TP73: variants seen among roughly 807,000 people sequenced by gnomAD.
The protein encoded by TP73 is p53-like transcription factor.
Under a neutral mutation model 62.5 loss-of-function variants are expected in TP73, and 25 were observed. That is an observed-to-expected ratio of 0.40 (90% confidence interval 0.29 to 0.56). TP73 has a LOEUF of 0.56. Among genes scored for constraint, TP73 ranks in the 20% least tolerant of loss-of-function variants. The probability of loss-of-function intolerance (pLI) is 0.46; values close to 1 mark genes in which losing one functional copy is unlikely to be tolerated. For missense variants in TP73, 754 were observed against 913.3 expected (o/e 0.83, Z 2.25); for synonymous variants, 423 against 377.5 (o/e 1.12, Z -1.40).
Position 3,729,253 on chromosome 1 carries a change from T to C in TP73, c.1075-74T>C, listed in dbSNP as rs544018672. On this transcript the variant is annotated intron_variant, in intron 9 of 13. Coordinates refer to ENST00000378295, the MANE Select transcript of TP73 (RefSeq NM_005427.4). ...CAGATGCTTTGCCAAGCCCAGGTCC[T>C]CCTGAGGCTGCGGCCACCCCCCTCC... 12 of 1,595,558 alleles carry C rather than the reference T, an allele frequency of 7.5e-6. No homozygotes were observed. In the South Asian group the frequency reaches 1.2e-4, roughly 16 times the overall value.
chr1:3,731,030 G>A lies in TP73; in HGVS notation c.1449G>A (p.Pro483=), dbSNP rs771141710. ...TGGTCTCGGGGTCCCACTGCACTCC[G>A]CCACCCCCCTACCACGCCGACCCCA... ...QSMVSGSHCT[P]PPPYHADPSL... The change falls in exon 12 of 14, where the codon CCG becomes CCA. Residue 483 remains proline, a synonymous_variant. Transcript: ENST00000378295. The A allele has an allele frequency of 5.1e-5, 82 of 1,612,142 alleles. 2 individuals are homozygous for A. In the South Asian group the frequency reaches 6.6e-4, roughly 13 times the overall value.
intron 1 of TP73, among the ~76,000 whole-genome samples, 161 bp from the exon 2 acceptor site, chr1:3,682,172 C>T (rs1259219412): frequency 3.3e-5 from 5 of 152,206 alleles, no homozygotes; most frequent in Admixed American, 6.5e-5. Context: ...ACAGGGTGGA[C>T]GAAATGACAG....
At chr1:3,707,507 C>CTGTG (rs766846785) in intron 3 of TP73, 42 bp from the exon 4 acceptor site, 1 of 1,584,938 alleles carries the variant, frequency 6.3e-7, no homozygotes, top group African/African-American at 1.3e-5. Flanking sequence ...GGACGACTGA[C>CTGTG]TGTGTGTGTT....
chr1:3,730,203 G>T (rs2124538953), intron 11 of TP73, 55 bp downstream of exon 11: 2 of 1,461,522 alleles, frequency 1.4e-6, no homozygotes, highest in Non-Finnish European at 1.8e-6. Flanking sequence ...CCCACTGGGG[G>T]CGCCTAGCTC....
At chr1:3,664,211 G>C (rs750845199) in intron 1 of TP73, among the ~76,000 whole-genome samples, 2 of 152,218 alleles carry the variant, frequency 1.3e-5, no homozygotes, top group African/African-American at 4.8e-5. Context: ...GGCCTGAGCC[G>C]GCAGGGCTTC....
Position 3,699,539 on chromosome 1 carries a change from G to A in TP73, c.187-8010G>A, listed in dbSNP as rs193079512. On this transcript the variant is annotated intron_variant, in intron 3 of 13. Coordinates refer to ENST00000378295, the MANE Select transcript of TP73 (RefSeq NM_005427.4). The surrounding 1 kb of genome is among the most constrained non-coding windows in gnomAD (Gnocchi z 4.1). ...CCTCAGGAGACTCCAGGCAGGCCCC[G>A]ATGCCAGACTCCAGCCCTCAAACAT... Among the ~76,000 whole-genome samples, 300 of 152,306 alleles carry A rather than the reference G, an allele frequency of 2.0e-3. No homozygotes were observed. In the Middle Eastern group the frequency reaches 0.02, roughly 10 times the overall value.
At position 3,736,055 on chromosome 1, in the gene TP73, G is replaced by C. The variant is rs1570673626; in HGVS notation, c.*2976G>C. The C allele has an allele frequency of 6.6e-6, 1 of 152,242 alleles. No homozygotes were observed. The highest frequency in any genetic ancestry group is 1.5e-5 in the Non-Finnish European group (1 of 68,048). The allele number at this position is 152,242 out of a possible 1,614,324, so 9.4% of individuals were successfully genotyped here. ...ATCCGTGTTTTTCGTGTAAGATCGT[G>C]CTTCTCCGAGCAGTATTAATGGACG... On this transcript the variant is annotated 3_prime_UTR_variant, in exon 14 of 14. Coordinates refer to ENST00000378295, the MANE Select transcript of TP73 (RefSeq NM_005427.4).
chr1:3,711,507 C>G (rs3819960), intron 4 of TP73, among the ~76,000 whole-genome samples: 1 of 152,178 alleles, frequency 6.6e-6, no homozygotes, highest in African/African-American at 2.4e-5. Context: ...TGTGACACCC[C>G]GGCTCAGCCG....
At chr1:3,711,840 GTGTGTA>G (rs1318035861) in intron 4 of TP73, among the ~76,000 whole-genome samples, 1 of 84,884 alleles carries the variant, frequency 1.2e-5, no homozygotes, top group Admixed American at 1.2e-4. Context: ...GTGCGCGAGC[GTGTGTA>G]TGTGTGTGTG....
chr1:3,690,277 C>T (rs890687624), intron 3 of TP73, among the ~76,000 whole-genome samples: 2 of 152,186 alleles, frequency 1.3e-5, no homozygotes, highest in African/African-American at 4.8e-5. Flanking sequence ...TCCATGCAGC[C>T]CTTGGACTGG....
intron 3 of TP73, among the ~76,000 whole-genome samples, chr1:3,697,826 G>T (rs543392416): frequency 6.6e-6 from 1 of 152,344 alleles, no homozygotes; most frequent in East Asian, 1.9e-4. Context: ...GCATGCTGCT[G>T]TCTCTCTGGC....
Position 3,683,171 on chromosome 1 carries a change from ATC to A in TP73, c.179_180del (p.Ser60CysfsTer68). 1 of 1,607,276 alleles carries A rather than the reference ATC, an allele frequency of 6.2e-7. No homozygotes were observed. The highest frequency in any genetic ancestry group is 8.5e-7 in the Non-Finnish European group (1 of 1,176,718). On this transcript the variant is annotated frameshift_variant, in exon 3 of 14. Transcript: ENST00000378295. LOFTEE classifies it high-confidence loss of function. ...DVFHLEGMTT[S>X]VMAQFNLLSS... is the part of the protein sequence containing the mutation. ...TCTTCCACCTGGAGGGCATGACTACATCTGTCATGGTGAGTGGGGGGGCTGCC... is the reference window on the plus strand; with the variant it reads ...TCTTCCACCTGGAGGGCATGACTACATGTCATGGTGAGTGGGGGGGCTGCC...
At chr1:3,656,098 C>G (rs1644859372) in intron 1 of TP73, among the ~76,000 whole-genome samples, 1 of 152,028 alleles carries the variant, frequency 6.6e-6, no homozygotes, top group Non-Finnish European at 1.5e-5. Flanking sequence ...ATGGCGTGAA[C>G]CCGGAAGGCG....
In TP73 at chr1:3,707,791, G is replaced by A. The variant is rs1291049501; in HGVS notation, c.429G>A (p.Thr143=). Residue 143 remains threonine (T), a splice_region_variant and synonymous_variant, in exon 4 of 14, where the codon ACG becomes ACA. Coordinates refer to ENST00000378295, the MANE Select transcript of TP73 (RefSeq NM_005427.4). ...GCACGGCCAAGTCAGCCACCTGGAC[G>A]GTGAGTTCCCCTAGTCCCTGAGGGC... The part of the protein sequence containing the change: ...QSSTAKSATW[T]YSPLLKKLYC... 3.7e-6 allele frequency: 6 copies of A among 1,612,404 alleles called. No homozygotes were observed. The highest frequency in any genetic ancestry group is 1.1e-5 in the South Asian group (1 of 91,064).
chr1:3,680,229 G>A (rs573111131), intron 1 of TP73, among the ~76,000 whole-genome samples: 17 of 152,338 alleles, frequency 1.1e-4, no homozygotes, highest in African/African-American at 4.1e-4. Context: ...GCATGTCAGA[G>A]CTTCGTTCCT....
intron 4 of TP73, among the ~76,000 whole-genome samples, chr1:3,721,668 C>A (rs978087853): frequency 6.6e-6 from 1 of 152,220 alleles, no homozygotes; most frequent in Non-Finnish European, 1.5e-5. Context: ...TCCCAGCCCC[C>A]GTTCCCGCCC....
intron 1 of TP73, among the ~76,000 whole-genome samples, chr1:3,655,494 GATATCTGT>G (rs1395687065): frequency 2.0e-4 from 31 of 152,316 alleles, no homozygotes; most frequent in African/African-American, 7.2e-4. Flanking sequence ...AACCTTTTAA[GATATCTGT>G]ATGTTATTTC....
chr1:3,700,130 G>A (rs1412994065), intron 3 of TP73, among the ~76,000 whole-genome samples: 1 of 152,114 alleles, frequency 6.6e-6, no homozygotes, highest in African/African-American at 2.4e-5. Flanking sequence ...ATGAGCATTT[G>A]TGCCCCGCCC....
chr1:3,661,764 A>G (rs1289482079), intron 1 of TP73, among the ~76,000 whole-genome samples: 2 of 146,800 alleles, frequency 1.4e-5, no homozygotes, highest in African/African-American at 5.0e-5. Context: ...ATATACATAC[A>G]CTATATATAA....
Sources: gnomAD v4.1 joint callset for allele counts (sites outside exome capture counted in the v4.1 genomes callset) on GRCh38, gnomAD v4.1.1 for gene constraint, Gnocchi (gnomAD v3.1) non-coding constraint, MANE v1.5 for transcripts, NCBI Gene and HGNC (gene_info 2026-07-23, HGNC 2026-07-21) for gene names.